The following LSM12 variants were observed in gnomAD, a reference collection of about 807,000 sequenced individuals.
The protein encoded by LSM12 is protein LSM12.
For missense variants in LSM12, 108 were observed against 238.9 expected, an observed-to-expected ratio of 0.45 and a Z score of 3.61; for synonymous variants, 74 against 87.3, an observed-to-expected ratio of 0.85 and a Z score of 0.85.
In LSM12 at chr17:44,048,308, C is replaced by T. The variant is rs1248981805; in HGVS notation, c.259-8052G>A. Among the ~76,000 whole-genome samples the T allele has an allele frequency of 2.6e-5, 4 of 151,756 alleles. No individual in the cohort carries two copies. The East Asian group carries it at 7.7e-4, about 29-fold the overall frequency. On this transcript the variant is annotated intron_variant, in intron 2 of 4. Coordinates refer to ENST00000293406, the MANE Select transcript of LSM12 (RefSeq NM_001371445.1). The stretch of plus-strand genomic sequence containing the variant: ...ACCAGCCTGGTCAACATAGCGAAAC[C>T]CCATCTCTACAAAAATTACAAAAAT...
rs892931360 is a variant in LSM12, at chr17:44,066,662, A to C, written c.-75T>G. 1 of 1,264,270 alleles carries C rather than the reference A, an allele frequency of 7.9e-7. No individual in the cohort carries two copies. The highest frequency in any genetic ancestry group is 1.0e-6 in the Non-Finnish European group (1 of 1,000,712). 78.3% of individuals were successfully genotyped at this position (1,264,270 alleles called of 1,614,324 possible). ...AGCCGGGCCCCCAGTGAGCGCCGCG[A>C]CGCGACGGCGCGCACGGAGCGTGCT... On this transcript the variant is annotated 5_prime_UTR_variant, in exon 1 of 5. Coordinates refer to ENST00000293406, the MANE Select transcript of LSM12 (RefSeq NM_001371445.1).
At position 44,056,463 on chromosome 17, in the gene LSM12, T is replaced by G. The variant is rs1266907601; in HGVS notation, c.258+7338A>C. Among the ~76,000 whole-genome samples the G allele has an allele frequency of 4.0e-5, 6 of 151,850 alleles. No individual in the cohort carries two copies. In the South Asian group the frequency reaches 1.2e-3, roughly 32 times the overall value. On this transcript the variant is annotated intron_variant, in intron 2 of 4. Transcript: ENST00000293406. ...TACTCCCCAACTGACAAAAAATTGTTTTTTTTTAATTAGCTGGACGTGGTG... is the reference window on the plus strand; with the variant it reads ...TACTCCCCAACTGACAAAAAATTGTGTTTTTTTAATTAGCTGGACGTGGTG...
chr17:44,038,425 G>A (rs1332152140), intron 3 of LSM12, among the ~76,000 whole-genome samples: 2 of 151,706 alleles, frequency 1.3e-5, no homozygotes, highest in African/African-American at 4.8e-5. Flanking sequence ...TTTGGAGGCC[G>A]AAGTGGGCGG....
chr17:44,041,987 TAAATA>T (rs2049500940), intron 2 of LSM12, among the ~76,000 whole-genome samples: 1 of 152,162 alleles, frequency 6.6e-6, no homozygotes, highest in African/African-American at 2.4e-5. Flanking sequence ...ATCAGTTCCT[TAAATA>T]AAAAGAGGCA....
intron 2 of LSM12, among the ~76,000 whole-genome samples, chr17:44,053,225 T>C (rs2049669683): frequency 6.6e-6 from 1 of 152,250 alleles, no homozygotes; most frequent in South Asian, 2.1e-4. Flanking sequence ...AGCCAACCAC[T>C]TGTCTTAGAT....
chr17:44,041,334 A>ACACAAACAC (rs2049491143), intron 2 of LSM12, among the ~76,000 whole-genome samples: 3 of 104,544 alleles, frequency 2.9e-5, no homozygotes, highest in Admixed American at 9.7e-5. Context: ...CACACACACA[A>ACACAAACAC]ACACACACAC....
intron 2 of LSM12, among the ~76,000 whole-genome samples, chr17:44,057,342 G>T (rs1458774623): frequency 1.3e-5 from 2 of 149,816 alleles, no homozygotes; most frequent in Non-Finnish European, 3.0e-5. Flanking sequence ...TAGAGACGGG[G>T]TTTCACCATG....
intron 2 of LSM12, among the ~76,000 whole-genome samples, chr17:44,052,835 ATAAT>A (rs2049664944): frequency 2.0e-5 from 3 of 150,960 alleles, no homozygotes; most frequent in South Asian, 2.1e-4. Context: ...ATAAATTTAC[ATAAT>A]TAATAAATAA....
intron 2 of LSM12, among the ~76,000 whole-genome samples, chr17:44,052,683 C>T (rs2049662113): frequency 1.3e-5 from 2 of 151,732 alleles, no homozygotes; most frequent in East Asian, 1.9e-4. Context: ...CGCTTGAACC[C>T]GGGAGGTGGA....
chr17:44,055,976 A>C (rs1316395653), intron 2 of LSM12, among the ~76,000 whole-genome samples: 1 of 151,664 alleles, frequency 6.6e-6, no homozygotes, highest in Non-Finnish European at 1.5e-5. Context: ...TGATACCTAA[A>C]GGTACCCTGG....
intron 1 of LSM12, 138 bp from the exon 2 acceptor site, chr17:44,064,072 G>T: frequency 1.1e-6 from 1 of 912,188 alleles, no homozygotes; most frequent in Admixed American, 2.9e-5. Context: ...TAAGAATCAC[G>T]GTTCTCCTCA....
At chr17:44,056,208 T>C (rs1267188378) in intron 2 of LSM12, among the ~76,000 whole-genome samples, 12 of 151,170 alleles carry the variant, frequency 7.9e-5, no homozygotes, top group Non-Finnish European at 1.6e-4. Context: ...GGTAGGAGAA[T>C]TGCTTGAAAC....
chr17:44,050,262 G>A (rs1271923622), intron 2 of LSM12, among the ~76,000 whole-genome samples: 1 of 150,980 alleles, frequency 6.6e-6, no homozygotes, highest in African/African-American at 2.4e-5. Flanking sequence ...CACCATGCCC[G>A]GCTAATTTTT....
At chr17:44,050,528 T>C (rs945173697) in intron 2 of LSM12, among the ~76,000 whole-genome samples, 1 of 151,708 alleles carries the variant, frequency 6.6e-6, no homozygotes, top group Admixed American at 6.6e-5. Flanking sequence ...TTTTTTTTTT[T>C]TTGAGATGGA....
At chr17:44,046,083 C>G (rs979572554) in intron 2 of LSM12, among the ~76,000 whole-genome samples, 1 of 151,424 alleles carries the variant, frequency 6.6e-6, no homozygotes. Context: ...ACTACAGGCG[C>G]CCGCCACCAC....
At chr17:44,038,247 C>CG (rs1013754098) in intron 3 of LSM12, among the ~76,000 whole-genome samples, 2 of 149,482 alleles carry the variant, frequency 1.3e-5, no homozygotes, top group African/African-American at 4.9e-5. Flanking sequence ...CCAGTTACTC[C>CG]GGGGGCTGAG....
At chr17:44,051,807 T>C (rs537814840) in intron 2 of LSM12, among the ~76,000 whole-genome samples, 1 of 151,878 alleles carries the variant, frequency 6.6e-6, no homozygotes, top group East Asian at 1.9e-4. Flanking sequence ...GGCCCCTGAC[T>C]CTACCAAAAA....
rs1392862878 is a variant in LSM12, at chr17:44,036,088, C to A, written c.*120G>T. The A allele has an allele frequency of 2.6e-6, 2 of 759,686 alleles. No individual in the cohort carries two copies. Among genetic ancestry groups the A allele is most frequent in the Admixed American group, 3.0e-5 (1 of 33,338 alleles). 47.1% of individuals were successfully genotyped at this position (759,686 alleles called of 1,614,324 possible). On this transcript the variant is annotated 3_prime_UTR_variant, in exon 5 of 5. Transcript: ENST00000293406. ...CAAGTCTAAGATTTGGAAATGCTGA[C>A]CCTTTGTTAAGAGCCAACAGGACAT... is the stretch of plus-strand genomic sequence containing the variant.
chr17:44,039,868 T>C (rs1338181473), intron 3 of LSM12, among the ~76,000 whole-genome samples: 1 of 152,230 alleles, frequency 6.6e-6, no homozygotes, highest in Non-Finnish European at 1.5e-5. Context: ...TATGGACTAC[T>C]AGGTCTAGAA....
Sources: gnomAD v4.1 joint callset for allele counts (sites outside exome capture counted in the v4.1 genomes callset) on GRCh38, gnomAD v4.1.1 for gene constraint, MANE v1.5 for transcripts, NCBI Gene and HGNC (gene_info 2026-07-23, HGNC 2026-07-21) for gene names.